PCDH15: variants seen among roughly 807,000 people sequenced by gnomAD.
The protein encoded by PCDH15 is protocadherin-15.
PCDH15 carries 129 observed loss-of-function variants against 178.5 expected under a neutral mutation model. The observed-to-expected ratio is 0.72, with a 90% CI of 0.63 to 0.84. PCDH15 has a LOEUF of 0.84. Ranked by LOEUF, PCDH15 falls within the 40% of genes least tolerant of loss-of-function variation. PCDH15 has a pLI of 0.00. For missense variants in PCDH15, 2,230 were observed against 2,099.9 expected (o/e 1.06, Z -1.21); for synonymous variants, 800 against 732.0 (o/e 1.09, Z -1.50).
intron 28 of PCDH15, among the ~76,000 whole-genome samples, chr10:53,843,178 TTTTAAAGATCTTTTGGGACAAAGTATATC>T (rs1393027102): frequency 6.6e-6 from 1 of 152,180 alleles, no homozygotes; most frequent in East Asian, 1.9e-4. Flanking sequence ...TTTGTTAAAC[TTTTAAAGATCTTTTGGGACAAAGTATATC>T]TTATGATAAA....
intron 2 of PCDH15, among the ~76,000 whole-genome samples, chr10:55,030,809 T>C (rs1256917320): frequency 1.3e-5 from 2 of 152,148 alleles, no homozygotes; most frequent in Admixed American, 6.5e-5. Context: ...ATCAGAATAA[T>C]GATGTTTGCA....
intron 3 of PCDH15, among the ~76,000 whole-genome samples, chr10:54,503,962 G>A (rs1400870666): frequency 6.6e-6 from 1 of 152,112 alleles, no homozygotes; most frequent in Non-Finnish European, 1.5e-5. Flanking sequence ...CCTCTTAAAT[G>A]TGAACTGACC....
At chr10:55,169,265 A>T (rs763281455) in intron 1 of PCDH15, among the ~76,000 whole-genome samples, 3 of 152,192 alleles carry the variant, frequency 2.0e-5, no homozygotes, top group Non-Finnish European at 2.9e-5. Flanking sequence ...TAGTCATTGC[A>T]CAGTGTATAT....
At chr10:55,335,478 G>T (rs1488842393) in intron 2 of PCDH15, among the ~76,000 whole-genome samples, 1 of 152,144 alleles carries the variant, frequency 6.6e-6, no homozygotes, top group Non-Finnish European at 1.5e-5. Flanking sequence ...AAAAATCTTT[G>T]AAAGACTTTC....
chr10:54,705,579 A>T (rs2095357382), intron 1 of PCDH15, among the ~76,000 whole-genome samples: 1 of 152,068 alleles, frequency 6.6e-6, no homozygotes, highest in Non-Finnish European at 1.5e-5. Flanking sequence ...CAACCTTTTG[A>T]ATTTGTTTAT....
At chr10:53,877,014 TAAAG>T (rs2080297634) in intron 26 of PCDH15, among the ~76,000 whole-genome samples, 2 of 152,084 alleles carry the variant, frequency 1.3e-5, no homozygotes, top group South Asian at 2.1e-4. Flanking sequence ...TTTAGAAAAT[TAAAG>T]AAAGAAACTA....
chr10:54,600,487 G>A (rs562036275), intron 2 of PCDH15: 1 of 577,358 alleles, frequency 1.7e-6, no homozygotes, highest in East Asian at 4.5e-5. Flanking sequence ...TGAAGATAAA[G>A]TGGTGGTGAC....
intron 18 of PCDH15, among the ~76,000 whole-genome samples, chr10:54,051,020 G>C (rs1165070781): frequency 2.0e-5 from 3 of 152,170 alleles, no homozygotes; most frequent in Admixed American, 6.5e-5. Context: ...TGTGAAGAAG[G>C]ATGTGTGTGC....
intron 2 of PCDH15, among the ~76,000 whole-genome samples, chr10:55,531,700 A>C (rs1841457772): frequency 6.6e-6 from 1 of 152,036 alleles, no homozygotes; most frequent in South Asian, 2.1e-4. Flanking sequence ...CTGGCGAGTA[A>C]TTGAATAACA....
At chr10:53,810,097 G>A (rs1000972170) in intron 37 of PCDH15, among the ~76,000 whole-genome samples, 8 of 149,052 alleles carry the variant, frequency 5.4e-5, no homozygotes, top group African/African-American at 2.0e-4. Flanking sequence ...AATGAGTCAT[G>A]CTAATTTAAA....
intron 1 of PCDH15, among the ~76,000 whole-genome samples, chr10:55,215,925 T>C (rs1057329910): frequency 1.3e-5 from 2 of 151,982 alleles, no homozygotes; most frequent in Admixed American, 6.6e-5. Context: ...TATAATGCAG[T>C]GCTTGACAGT....
chr10:55,496,174 G>A (rs1840529412), intron 2 of PCDH15, among the ~76,000 whole-genome samples: 1 of 151,646 alleles, frequency 6.6e-6, no homozygotes, highest in Admixed American at 6.6e-5. Flanking sequence ...TTGTATATGA[G>A]TTATATCTCA....
chr10:54,062,256 A>AAAAAAAAAAT (rs2094042677), intron 18 of PCDH15, among the ~76,000 whole-genome samples: 1 of 110,010 alleles, frequency 9.1e-6, no homozygotes, highest in Non-Finnish European at 2.0e-5. Flanking sequence ...AAAAAAACAA[A>AAAAAAAAAAT]AAACAACTAA....
intron 7 of PCDH15, among the ~76,000 whole-genome samples, chr10:54,319,210 T>C (rs1198136664): frequency 6.6e-6 from 1 of 152,158 alleles, no homozygotes; most frequent in African/African-American, 2.4e-5. Flanking sequence ...TTGTACAACA[T>C]TGACAAGTAT....
At chr10:54,353,013 T>C (rs1205332103) in intron 5 of PCDH15, among the ~76,000 whole-genome samples, 2 of 152,112 alleles carry the variant, frequency 1.3e-5, no homozygotes, top group Admixed American at 1.3e-4. Context: ...AAATCCAGAG[T>C]TGATTTTGTA....
chr10:54,016,629 A>G (rs1464588421), intron 20 of PCDH15, among the ~76,000 whole-genome samples: 1 of 152,220 alleles, frequency 6.6e-6, no homozygotes, highest in Admixed American at 6.5e-5. Context: ...CTAACATAGG[A>G]ACAGAAAACC....
Position 55,043,618 on chromosome 10 carries a change from G to A in PCDH15, c.-80+122958C>T, listed in dbSNP as rs114511270. 8.1e-3 allele frequency among the ~76,000 whole-genome samples: 1,228 copies of A among 152,052 alleles called. 18 individuals are homozygous for A. Among genetic ancestry groups the A allele is most frequent in the African/African-American group, 0.028 (1,161 of 41,494 alleles). On this transcript the variant is annotated intron_variant, in intron 2 of 5. Coordinates refer to the PCDH15 transcript ENST00000458638. ...CCAGCTACTCGGGAGACTGAGGCGG[G>A]AGGTTCACTTGAGCCTGGGAGCTCA...
intron 9 of PCDH15, among the ~76,000 whole-genome samples, chr10:54,225,625 C>G (rs1297042496): frequency 1.3e-5 from 2 of 152,084 alleles, no homozygotes; most frequent in East Asian, 3.9e-4. Flanking sequence ...GCCCAATTAT[C>G]TAGACAAAAT....
In PCDH15 at chr10:53,890,519, T is replaced by G. The variant is rs189141478; in HGVS notation, c.3501+12724A>C. Among the ~76,000 whole-genome samples the G allele has an allele frequency of 3.3e-5, 5 of 152,346 alleles. No individual in the cohort carries two copies. In the East Asian group the frequency reaches 9.6e-4, roughly 29 times the overall value. On this transcript the variant is annotated intron_variant, in intron 26 of 37. Transcript: ENST00000644397. ...GTGTTGATAGTCTTTCAAATTACTA[T>G]GAGCCTCACTGACTTTTGTCCTTTT...
Sources: gnomAD v4.1 joint callset for allele counts (sites outside exome capture counted in the v4.1 genomes callset) on GRCh38, gnomAD v4.1.1 for gene constraint, MANE v1.5 for transcripts, NCBI Gene and HGNC (gene_info 2026-07-23, HGNC 2026-07-21) for gene names.